IGF1R: variants seen among roughly 807,000 people sequenced by gnomAD.
IGF1R encodes the protein insulin like growth factor 1 receptor, also known as insulin-like growth factor 1 receptor.
In IGF1R, 44 loss-of-function variants were observed where a neutral mutation model predicts 144.6. The observed-to-expected ratio is 0.30, with a 90% confidence interval of 0.24 to 0.39. The LOEUF (loss-of-function observed/expected upper bound fraction) is 0.39. Among genes scored for constraint, IGF1R ranks in the 10% least tolerant of loss-of-function variants. The pLI is 1.00. For synonymous variants in IGF1R, 795 were observed against 722.8 expected (o/e 1.10, Z -1.60); for missense variants, 1,355 against 1,833.7 (o/e 0.74, Z 4.77).
At chr15:98,815,851 A>T (rs578057765) in intron 2 of IGF1R, among the ~76,000 whole-genome samples, 33 of 152,124 alleles carry the variant, frequency 2.2e-4, no homozygotes, top group South Asian at 6.2e-4. Context: ...CTTCTTTCTG[A>T]TGCTTTCTTG....
chr15:98,937,848 A>C (rs911561719), intron 17 of IGF1R, among the ~76,000 whole-genome samples: 8 of 152,264 alleles, frequency 5.3e-5, no homozygotes, highest in African/African-American at 1.7e-4. Flanking sequence ...CATAAACTTT[A>C]CATTTCATGT....
In IGF1R at chr15:98,828,081, C is replaced by G. The variant is rs148682623; in HGVS notation, c.641-63244C>G. On this transcript the variant is annotated intron_variant, in intron 2 of 20. Coordinates refer to ENST00000650285, the MANE Select transcript of IGF1R (RefSeq NM_000875.5). Reference sequence around the variant, plus strand: ...GCAAGGCTTTAGGGAGAGATTCCCGCTGGGGGCATTCACCCTCTGGTCCAG... The same window carrying G: ...GCAAGGCTTTAGGGAGAGATTCCCGGTGGGGGCATTCACCCTCTGGTCCAG... 3.2e-3 allele frequency among the ~76,000 whole-genome samples: 493 copies of G among 152,316 alleles called. 3 individuals are homozygous for G. The highest frequency in any genetic ancestry group is 0.011 in the African/African-American group (470 of 41,564).
Position 98,957,922 on chromosome 15 carries a change from G to C in IGF1R, c.*480G>C. 4.2e-6 allele frequency: 1 copy of C among 239,150 alleles called. No homozygotes were observed. 14.8% of individuals were successfully genotyped at this position (239,150 alleles called of 1,614,324 possible). A position where few individuals can be genotyped will look rare whatever the true frequency, so the allele number is the denominator to read the frequency against. On this transcript the variant is annotated 3_prime_UTR_variant, in exon 21 of 21. Transcript: ENST00000650285. ...ACCGTGGGTCATTACAAAAAAACAC[G>C]TGGAGATGGAAATTTTTACCTTTAT...
In IGF1R at chr15:98,760,839, G is replaced by A. The variant is rs573860233; in HGVS notation, c.640+52732G>A. On this transcript the variant is annotated intron_variant, in intron 2 of 20. Transcript: ENST00000650285. Reference sequence around the variant, plus strand: ...TATGTTTTCTGATTACCCATCCTTCGATACAGACCAAATAATACCACAGTG... The same window carrying A: ...TATGTTTTCTGATTACCCATCCTTCAATACAGACCAAATAATACCACAGTG... 3.3e-5 allele frequency among the ~76,000 whole-genome samples: 5 copies of A among 152,342 alleles called. No homozygotes were observed. In the East Asian group the frequency reaches 9.6e-4, roughly 29 times the overall value.
intron 1 of IGF1R, among the ~76,000 whole-genome samples, chr15:98,669,100 T>C (rs910553744): frequency 6.6e-6 from 1 of 152,208 alleles, no homozygotes; most frequent in African/African-American, 2.4e-5. Context: ...GTAAAATCAG[T>C]ATCGATCAAG....
chr15:98,883,136 T>C (rs1052081660), intron 2 of IGF1R, among the ~76,000 whole-genome samples: 6 of 152,242 alleles, frequency 3.9e-5, no homozygotes, highest in Non-Finnish European at 7.3e-5. Context: ...CATTGAGAAA[T>C]GTTGCCGATG....
chr15:98,730,954 A>G (rs1387495654), intron 2 of IGF1R, among the ~76,000 whole-genome samples: 1 of 152,234 alleles, frequency 6.6e-6, no homozygotes, highest in South Asian at 2.1e-4. Flanking sequence ...GTGGAAACAG[A>G]TAACATTTGA....
At chr15:98,925,879 G>T (rs539366527) in intron 13 of IGF1R, among the ~76,000 whole-genome samples, 1 of 152,078 alleles carries the variant, frequency 6.6e-6, no homozygotes, top group South Asian at 2.1e-4. Context: ...CTCCAGCCTG[G>T]GTGACAGAGC....
At chr15:98,741,937 A>G (rs1007359309) in intron 2 of IGF1R, among the ~76,000 whole-genome samples, 6 of 152,244 alleles carry the variant, frequency 3.9e-5, no homozygotes, top group African/African-American at 1.4e-4. Context: ...GTGCACATGT[A>G]TTCAAGAAAG....
chr15:98,817,827 C>T (rs768562205), intron 2 of IGF1R, among the ~76,000 whole-genome samples: 1 of 152,198 alleles, frequency 6.6e-6, no homozygotes, highest in Admixed American at 6.5e-5. Context: ...CCAGACATTT[C>T]GTGATTTGCC....
At chr15:98,738,200 T>C (rs1451672936) in intron 2 of IGF1R, among the ~76,000 whole-genome samples, 1 of 152,232 alleles carries the variant, frequency 6.6e-6, no homozygotes, top group African/African-American at 2.4e-5. Context: ...TTCTACAGTT[T>C]GGTCCCGTTG....
intron 1 of IGF1R, among the ~76,000 whole-genome samples, chr15:98,691,404 C>T (rs1160538877): frequency 2.7e-5 from 4 of 149,838 alleles, no homozygotes; most frequent in African/African-American, 9.8e-5. Context: ...TCACTCGTCT[C>T]CCAAGCTGGA....
In IGF1R at chr15:98,697,628, G is replaced by A. The variant is rs533762771; in HGVS notation, c.95-9934G>A. On this transcript the variant is annotated intron_variant, in intron 1 of 20. Transcript: ENST00000650285. ...TTCCCCTTGGTTCTCGGTGGTGGACGGGCTGTGTGGTCTCCCCTCAGCTGT... is the reference window on the plus strand; with the variant it reads ...TTCCCCTTGGTTCTCGGTGGTGGACAGGCTGTGTGGTCTCCCCTCAGCTGT... Among the ~76,000 whole-genome samples, 130 of 148,482 alleles carry A rather than the reference G, an allele frequency of 8.8e-4. 1 individual carries two copies. The highest frequency in any genetic ancestry group is 3.0e-3 in the African/African-American group (121 of 40,124).
chr15:98,844,876 CCTT>C (rs755690599), intron 2 of IGF1R, among the ~76,000 whole-genome samples: 1 of 152,156 alleles, frequency 6.6e-6, no homozygotes, highest in Non-Finnish European at 1.5e-5. Context: ...ATCTTTCCCT[CCTT>C]CTGTTAAAGA....
intron 2 of IGF1R, among the ~76,000 whole-genome samples, chr15:98,743,086 A>AT (rs1331108608): frequency 4.6e-5 from 7 of 152,096 alleles, no homozygotes; most frequent in East Asian, 1.9e-4. Flanking sequence ...TTTGTTCGTT[A>AT]TTTTTTTCTT....
chr15:98,877,927 CAT>C (rs972380305), intron 2 of IGF1R, among the ~76,000 whole-genome samples: 19 of 152,342 alleles, frequency 1.2e-4, no homozygotes, highest in Non-Finnish European at 2.4e-4. Flanking sequence ...GTTATGTTGA[CAT>C]AAATGATTAT....
intron 2 of IGF1R, among the ~76,000 whole-genome samples, chr15:98,888,714 T>C (rs2013765152): frequency 1.3e-5 from 2 of 152,222 alleles, no homozygotes; most frequent in African/African-American, 4.8e-5. Flanking sequence ...GGGTTTCTTC[T>C]TCACTTTAGA....
At chr15:98,691,231 G>T (rs2053467202) in intron 1 of IGF1R, among the ~76,000 whole-genome samples, 1 of 152,132 alleles carries the variant, frequency 6.6e-6, no homozygotes. Flanking sequence ...ACATTTAGCT[G>T]TCTCCTTCAC....
intron 2 of IGF1R, among the ~76,000 whole-genome samples, chr15:98,757,425 A>C (rs1480780553): frequency 6.6e-6 from 1 of 152,140 alleles, no homozygotes; most frequent in African/African-American, 2.4e-5. Flanking sequence ...TGGCCTCCCA[A>C]AGTGCTGGGA....
Sources: gnomAD v4.1 joint callset for allele counts (sites outside exome capture counted in the v4.1 genomes callset) on GRCh38, gnomAD v4.1.1 for gene constraint, MANE v1.5 for transcripts, NCBI Gene and HGNC (gene_info 2026-07-23, HGNC 2026-07-21) for gene names.